BROX: variants seen among roughly 807,000 people sequenced by gnomAD.
BROX encodes BRO1 domain-containing protein BROX.
A neutral mutation model predicts 61.0 loss-of-function variants in BROX; 53 were observed. The observed-to-expected ratio is 0.87, with a 90% CI of 0.70 to 1.09. The LOEUF is 1.09. Ranked by LOEUF, BROX falls within the 50% of genes least tolerant of loss-of-function variation. The pLI, the probability that BROX is intolerant of heterozygous loss-of-function variation, is 0.00. For missense variants in BROX, 489 were observed against 472.0 expected (o/e 1.04, Z -0.33); for synonymous variants, 152 against 160.2 (o/e 0.95, Z 0.38).
chr1:222,713,149 G>A (rs945088972), intron 1 of BROX: 8 of 977,554 alleles, frequency 8.2e-6, no homozygotes, highest in East Asian at 2.2e-4. Flanking sequence ...AGCTAGATCC[G>A]CTGAATCCCC....
chr1:222,720,702 ACTTGGGAGGCTGAGACAGGAGAATCG>A (rs1483267523), intron 4 of BROX, among the ~76,000 whole-genome samples: 1 of 152,018 alleles, frequency 6.6e-6, no homozygotes, highest in Non-Finnish European at 1.5e-5. Context: ...AATCCCAGCT[ACTTGGGAGGCTGAGACAGGAGAATCG>A]CTTGAACCCA....
intron 4 of BROX, among the ~76,000 whole-genome samples, chr1:222,721,551 T>C (rs556997704): frequency 1.3e-5 from 2 of 152,258 alleles, no homozygotes; most frequent in East Asian, 1.9e-4. Context: ...TCTTCATCAG[T>C]TGAGATAAAT....
chr1:222,724,065 C>G (rs371203297), intron 5 of BROX, 27 bp from the exon 6 acceptor site: 3 of 1,531,616 alleles, frequency 2.0e-6, no homozygotes, highest in African/African-American at 2.8e-5. Context: ...AATTCATCCT[C>G]TAACTAATGT....
At chr1:222,713,330 C>G (rs946583388) in intron 1 of BROX, 3 of 985,616 alleles carry the variant, frequency 3.0e-6, no homozygotes, top group South Asian at 4.6e-5. Context: ...GGTCGCCGCC[C>G]GCTGCCTCGA....
intron 6 of BROX, 31 bp downstream of exon 6, chr1:222,724,195 T>C (rs765672492): frequency 7.2e-6 from 11 of 1,519,848 alleles, no homozygotes; most frequent in Admixed American, 1.9e-5. Flanking sequence ...CCATTATTTG[T>C]TCTTAATGCT....
rs575340449 is a variant in BROX at position 222,733,783 on chromosome 1, T to A, written c.*1069T>A. 6.6e-6 allele frequency: 1 copy of A among 152,228 alleles called. No homozygotes were observed. The highest frequency in any genetic ancestry group is 1.5e-5 in the Non-Finnish European group (1 of 68,034). The allele number at this position is 152,228 out of a possible 1,614,324, so 9.4% of individuals were successfully genotyped here. ...TTACTTAGAGGAAAGAACTTTGTAATAGCTCTTAATGTTTATATATAAGAG... is the reference window on the plus strand; with the variant it reads ...TTACTTAGAGGAAAGAACTTTGTAAAAGCTCTTAATGTTTATATATAAGAG... On this transcript the variant is annotated 3_prime_UTR_variant, in exon 13 of 13. Coordinates refer to ENST00000340934, the MANE Select transcript of BROX (RefSeq NM_144695.4).
chr1:222,718,172 A>G (rs890048622), intron 2 of BROX: 11 of 152,204 alleles, frequency 7.2e-5, no homozygotes, highest in African/African-American at 2.7e-4. Flanking sequence ...GGAGACACAG[A>G]AAAAAATATA....
rs1266397517 is a variant in BROX, at chr1:222,724,226, C to A, written c.474+62C>A. 4 of 1,366,420 alleles carry A rather than the reference C, an allele frequency of 2.9e-6. No homozygotes were observed. The African/African-American group carries it at 5.9e-5, about 20-fold the overall frequency. The allele number at this position is 1,366,420 out of a possible 1,614,324, so 84.6% of individuals were successfully genotyped here. On this transcript the variant is annotated intron_variant, in intron 6 of 12. Coordinates refer to ENST00000340934, the MANE Select transcript of BROX (RefSeq NM_144695.4). ...ATGCTTTAATTCTTGAATAATTTTT[C>A]TTTTGGGAGGATATGGGGAAAGAAT... is the stretch of plus-strand genomic sequence containing the variant.
In BROX at chr1:222,728,820, A is replaced by C. The variant is rs760235497; in HGVS notation, c.748A>C (p.Thr250Pro). Residue 250 changes from threonine to proline, a missense_variant, in exon 9 of 13, where the codon ACA becomes CCA. Thr to Pro is a conservative substitution (Grantham distance 38). Coordinates refer to ENST00000340934, the MANE Select transcript of BROX (RefSeq NM_144695.4). The stretch of plus-strand genomic sequence containing the variant: ...TCTTCACTTGAAGATGTGTTTCTAC[A>C]CAGCTTATGTAAGTATTCACAACGC... Reference protein sequence around the residue: ...KYLHLKMCFYTAYAYCYHGET... With the variant: ...KYLHLKMCFYPAYAYCYHGET... 70 of 1,594,050 alleles carry C rather than the reference A, an allele frequency of 4.4e-5. No individual in the cohort carries two copies. The highest frequency in any genetic ancestry group is 5.7e-5 in the Non-Finnish European group (67 of 1,165,326).
In BROX at chr1:222,712,787, C is replaced by T. The variant is rs545967845; in HGVS notation, c.-172C>T. The stretch of plus-strand genomic sequence containing the variant: ...ACCGCCTCGGTAGCTATCATGGCCG[C>T]CGGGTCACGTGACTCCGGCTTGGCG... On this transcript the variant is annotated 5_prime_UTR_variant, in exon 1 of 13. Coordinates refer to ENST00000340934, the MANE Select transcript of BROX (RefSeq NM_144695.4). The T allele has an allele frequency of 3.1e-6, 4 of 1,289,414 alleles. No homozygotes were observed. The highest frequency in any genetic ancestry group is 2.5e-5 in the South Asian group (2 of 80,968). 79.9% of individuals were successfully genotyped at this position (1,289,414 alleles called of 1,614,324 possible).
chr1:222,725,670 G>A (rs1657450160), intron 7 of BROX, 115 bp downstream of exon 7: 3 of 763,526 alleles, frequency 3.9e-6, no homozygotes, highest in African/African-American at 1.8e-5. Flanking sequence ...AGCACTTTGG[G>A]AGGTCTAGGT....
chr1:222,722,379 G>T, intron 4 of BROX, 40 bp from the exon 5 acceptor site: 1 of 1,525,674 alleles, frequency 6.6e-7, no homozygotes, highest in Non-Finnish European at 9.1e-7. Context: ...GTGATGTCTG[G>T]ATAATTGACA....
At chr1:222,727,116 G>A (rs1657565129) in intron 7 of BROX, 52 bp from the exon 8 acceptor site, 1 of 1,215,980 alleles carries the variant, frequency 8.2e-7, no homozygotes. Context: ...TTGAATTTAG[G>A]ATGAATAAAG....
Position 222,719,351 on chromosome 1 carries a change from G to A in BROX, c.297G>A (p.Gln99=). The part of the protein sequence containing the change: ...NFKWTDTLQG[Q]VPSAQQDAVF... ...AGTGGACTGATACATTGCAAGGACA[G>A]GTTCCAAGGTAAGCAACACTAAAGT... is the stretch of plus-strand genomic sequence containing the variant. Residue 99 remains glutamine (Q), a synonymous_variant, in exon 4 of 13, where the codon CAG becomes CAA. Coordinates refer to ENST00000340934, the MANE Select transcript of BROX (RefSeq NM_144695.4). The A allele has an allele frequency of 6.2e-7, 1 of 1,603,810 alleles. No homozygotes were observed. Among genetic ancestry groups the A allele is most frequent in the East Asian group, 2.2e-5 (1 of 44,736 alleles).
intron 6 of BROX, among the ~76,000 whole-genome samples, chr1:222,725,228 G>A (rs535987515): frequency 9.2e-5 from 14 of 152,200 alleles, no homozygotes; most frequent in African/African-American, 2.6e-4. Context: ...CTTAAATTTT[G>A]CTCTTGAATT....
chr1:222,719,092 T>C (rs1656864857), intron 3 of BROX, 61 bp downstream of exon 3: 1 of 1,451,360 alleles, frequency 6.9e-7, no homozygotes, highest in African/African-American at 1.4e-5. Context: ...TACATTTAAT[T>C]CTTTGACTTT....
chr1:222,728,855 T>C, intron 9 of BROX, 27 bp downstream of exon 9: 3 of 1,495,312 alleles, frequency 2.0e-6, no homozygotes, highest in East Asian at 2.3e-5. Flanking sequence ...CTAAAAACAA[T>C]GTAAATTATT....
chr1:222,734,566 A>C lies in BROX; in HGVS notation c.*1852A>C, dbSNP rs1361395011. 1.3e-5 allele frequency: 2 copies of C among 152,196 alleles called. No homozygotes were observed. Among genetic ancestry groups the C allele is most frequent in the East Asian group, 3.8e-4 (2 of 5,198 alleles). The allele number at this position is 152,196 out of a possible 1,614,324, so 9.4% of individuals were successfully genotyped here. A position where few individuals can be genotyped will look rare whatever the true frequency, so the allele number is the denominator to read the frequency against. On this transcript the variant is annotated 3_prime_UTR_variant, in exon 13 of 13. Coordinates refer to ENST00000340934, the MANE Select transcript of BROX (RefSeq NM_144695.4). ...TGATATTGGAAGCTGCAGTTTCCAG[A>C]ATAAGTGGAGTAATAACTAAACAGA...
rs1657928838 is a variant in BROX, at chr1:222,731,433, T to G, written c.1066T>G (p.Phe356Val). ...TTATGGTCTCGTAGAGCCTATACCT[T>G]TCGAATTTCCTCCTACAAGTGTTCA... ...ANYGLVEPIP[F>V]EFPPTSVQWT... The change falls in exon 12 of 13, where the codon TTC becomes GTC. Residue 356 changes from phenylalanine (F) to valine (V), a missense_variant. Phe to Val is a conservative substitution (Grantham distance 50). Coordinates refer to ENST00000340934, the MANE Select transcript of BROX (RefSeq NM_144695.4). 1.2e-6 allele frequency: 2 copies of G among 1,602,752 alleles called. No homozygotes were observed. Among genetic ancestry groups the G allele is most frequent in the Non-Finnish European group, 1.7e-6 (2 of 1,177,186 alleles).
Sources: allele counts gnomAD v4.1 joint callset (sites outside exome capture counted in the v4.1 genomes callset), GRCh38; gene constraint gnomAD v4.1.1; transcripts MANE v1.5; gene names NCBI Gene and HGNC (gene_info 2026-07-23, HGNC 2026-07-21).